Variants in AMPD3 observed in about 807,000 individuals in gnomAD.
AMPD3 encodes the protein adenosine monophosphate deaminase 3.
AMPD3 carries 57 observed loss-of-function variants against 82.3 expected under a neutral mutation model. That is an observed-to-expected ratio of 0.69 (90% CI 0.56 to 0.86). The LOEUF is 0.86. Ranked by LOEUF, AMPD3 falls within the 40% of genes least tolerant of loss-of-function variation. The pLI is 0.00. For synonymous variants in AMPD3, 381 were observed against 394.7 expected, an observed-to-expected ratio of 0.97 and a Z score of 0.41; for missense variants, 870 against 1,003.8, an observed-to-expected ratio of 0.87 and a Z score of 1.80.
At chr11:10,487,184 G>A (rs747304282) in intron 5 of AMPD3, 51 bp from the exon 6 acceptor site, 2 of 1,612,110 alleles carry the variant, frequency 1.2e-6, no homozygotes, top group Admixed American at 1.7e-5. Context: ...CCTCCAAACT[G>A]GAGAGCTCGA....
intron 11 of AMPD3, chr11:10,500,533 G>A: frequency 6.7e-6 from 6 of 895,866 alleles, no homozygotes; most frequent in Non-Finnish European, 8.0e-6. Flanking sequence ...GTCCACACGT[G>A]TCCACACATT....
At chr11:10,469,846 C>T (rs911776463) in intron 2 of AMPD3, among the ~76,000 whole-genome samples, 28 of 151,868 alleles carry the variant, frequency 1.8e-4, no homozygotes, top group African/African-American at 3.9e-4. Flanking sequence ...GAGACCATCC[C>T]GGCTAAAAAC....
In AMPD3 at chr11:10,485,003, T is replaced by C; in HGVS notation, c.773T>C (p.Met258Thr). Residue 258 changes from methionine (M) to threonine (T), a missense_variant, in exon 5 of 15, where the codon ATG becomes ACG. Physicochemically the swap from Met to Thr is moderately conservative, Grantham distance 81 (BLOSUM62 -1). Coordinates refer to ENST00000396553, the MANE Select transcript of AMPD3 (RefSeq NM_001025389.2). ...YPDLETYTVD[M>T]SHILALITDG... ...GACCTGGAGACCTACACGGTGGACATGAGCCACATCCTGGCTCTCATCACC... is the reference window on the plus strand; with the variant it reads ...GACCTGGAGACCTACACGGTGGACACGAGCCACATCCTGGCTCTCATCACC... The C allele has an allele frequency of 6.2e-7, 1 of 1,613,982 alleles. No individual in the cohort carries two copies.
intron 6 of AMPD3, among the ~76,000 whole-genome samples, chr11:10,489,617 G>A (rs973295101): frequency 3.3e-5 from 5 of 152,012 alleles, no homozygotes; most frequent in African/African-American, 9.7e-5. Flanking sequence ...AAACATGGGC[G>A]CAGGTCTGCT....
rs1250812705 is a variant in AMPD3, at chr11:10,499,667, G to A, written c.1558-419G>A. On this transcript the variant is annotated intron_variant, in intron 10 of 14. Transcript: ENST00000396553. ...GTGCTTTGAGCAGGGCTTGATGAGT[G>A]ATGTGTACTAGGACCCTTTTCCCTC... is the stretch of plus-strand genomic sequence containing the variant. 6.1e-6 allele frequency: 6 copies of A among 985,310 alleles called. No homozygotes were observed. In the South Asian group the frequency reaches 2.8e-4, roughly 46 times the overall value. 61.0% of individuals were successfully genotyped at this position (985,310 alleles called of 1,614,324 possible). A position where few individuals can be genotyped will look rare whatever the true frequency, so the allele number is the denominator to read the frequency against.
rs1380170244 is a variant in AMPD3, at chr11:10,506,227, T to C, written c.*343T>C. 2 of 338,088 alleles carry C rather than the reference T, an allele frequency of 5.9e-6. No homozygotes were observed. The highest frequency in any genetic ancestry group is 1.5e-4 in the East Asian group (2 of 13,736). The allele number at this position is 338,088 out of a possible 1,614,324, so 20.9% of individuals were successfully genotyped here. On this transcript the variant is annotated 3_prime_UTR_variant, in exon 15 of 15. Coordinates refer to ENST00000396553, the MANE Select transcript of AMPD3 (RefSeq NM_001025389.2). This position sits in a 1 kb window ranked among gnomAD's most constrained non-coding sequence, Gnocchi z 4.1. Reference sequence around the variant, plus strand: ...AGATGCCAAGTAACATGTGGTTTTCTGCCATACTTTTCTCCATTGGCCCAG... The same window carrying C: ...AGATGCCAAGTAACATGTGGTTTTCCGCCATACTTTTCTCCATTGGCCCAG...
rs757944528 is a variant in AMPD3, at chr11:10,502,740, T to G, written c.1862T>G (p.Leu621Arg). 1.2e-6 allele frequency: 2 copies of G among 1,614,224 alleles called. No homozygotes were observed. The highest frequency in any genetic ancestry group is 1.7e-6 in the Non-Finnish European group (2 of 1,180,032). ...LLKKSPVLQY[L>R]YYLAQIPIAM... ...TTGCAGAGTCCGGTATTGCAGTATC[T>G]CTACTACCTTGCTCAGATCCCCATT... Residue 621 changes from leucine to arginine, a missense_variant, in exon 13 of 15, where the codon CTC becomes CGC. By Grantham distance (102) the Leu-to-Arg change is moderately radical. Coordinates refer to ENST00000396553, the MANE Select transcript of AMPD3 (RefSeq NM_001025389.2).
chr11:10,497,645 A>T (rs1849455149), intron 10 of AMPD3: 2 of 985,220 alleles, frequency 2.0e-6, no homozygotes, highest in Non-Finnish European at 2.4e-6. Context: ...GGACAAGCTG[A>T]GGGACATCAT....
chr11:10,474,229 C>T (rs1848675637), intron 2 of AMPD3, among the ~76,000 whole-genome samples: 5 of 152,212 alleles, frequency 3.3e-5, no homozygotes, highest in Non-Finnish European at 7.3e-5. Flanking sequence ...GGGCCTGGCA[C>T]ACAGTAGTTT....
chr11:10,500,551 A>G, intron 11 of AMPD3: 1 of 951,208 alleles, frequency 1.1e-6, no homozygotes, highest in Non-Finnish European at 1.3e-6. Context: ...ATTTATATGT[A>G]CACACACCAG....
At chr11:10,476,594 G>A (rs1848746060) in intron 2 of AMPD3, among the ~76,000 whole-genome samples, 1 of 152,176 alleles carries the variant, frequency 6.6e-6, no homozygotes, top group African/African-American at 2.4e-5. Flanking sequence ...GGCATTTGGA[G>A]GTGAGGTTGC....
intron 2 of AMPD3, chr11:10,476,991 T>C: frequency 3.0e-6 from 3 of 985,424 alleles, no homozygotes; most frequent in Non-Finnish European, 3.6e-6. Flanking sequence ...CAGGTTAAAA[T>C]AGCCTTGTCC....
Position 10,482,201 on chromosome 11 carries a change from G to A in AMPD3, c.565G>A (p.Ala189Thr), listed in dbSNP as rs750793624. 6.2e-7 allele frequency: 1 copy of A among 1,612,748 alleles called. No individual in the cohort carries two copies. The highest frequency in any genetic ancestry group is 1.1e-5 in the South Asian group (1 of 91,036). Residue 189 changes from alanine (A) to threonine (T), a missense_variant, in exon 4 of 15, where the codon GCA becomes ACA. Coordinates refer to ENST00000396553, the MANE Select transcript of AMPD3 (RefSeq NM_001025389.2). Reference protein sequence around the residue: ...QYLGHPRADTAPPEEGLPDFH... With the variant: ...QYLGHPRADTTPPEEGLPDFH... ...CCTGGGTCATCCGCGGGCGGATACT[G>A]CACCTCCGGAAGAGGGCCTTCCAGG...
chr11:10,497,379 C>T (rs1260079006), intron 10 of AMPD3, among the ~76,000 whole-genome samples: 5 of 152,156 alleles, frequency 3.3e-5, no homozygotes, highest in African/African-American at 9.7e-5. Context: ...AAGTACAAGC[C>T]CCTAAAGTGT....
At chr11:10,481,415 C>T (rs1848900660) in intron 3 of AMPD3, 1 of 985,306 alleles carries the variant, frequency 1.0e-6, no homozygotes, top group Non-Finnish European at 1.2e-6. Context: ...CAAAAACAGA[C>T]TTTTGGCTTA....
In AMPD3 at chr11:10,500,104, G is replaced by A. The variant is rs1478995460; in HGVS notation, c.1576G>A (p.Val526Met). 29 of 1,614,064 alleles carry A rather than the reference G, an allele frequency of 1.8e-5. No individual in the cohort carries two copies. In the Admixed American group the frequency reaches 3.0e-4, roughly 17 times the overall value. The change falls in exon 11 of 15, where the codon GTG becomes ATG. Residue 526 changes from valine (V) to methionine (M), a missense_variant. Coordinates refer to ENST00000396553, the MANE Select transcript of AMPD3 (RefSeq NM_001025389.2). ...TGCCCAGGTGACGGGGTTTGACAGC[G>A]TGGATGATGAGTCCAAGCACAGCGA... ...FLKYVTGFDS[V>M]DDESKHSDHM...
At chr11:10,463,592 G>A (rs971881575) in intron 2 of AMPD3, among the ~76,000 whole-genome samples, 6 of 152,190 alleles carry the variant, frequency 3.9e-5, no homozygotes, top group Non-Finnish European at 7.3e-5. Context: ...AGAAATCCTG[G>A]CATTTTTTAT....
chr11:10,481,555 C>T, intron 3 of AMPD3: 1 of 949,784 alleles, frequency 1.1e-6, no homozygotes, highest in Non-Finnish European at 1.3e-6. Context: ...GATGATTCAC[C>T]AGGAGGACTC....
At chr11:10,467,430 C>A (rs1244479848) in intron 2 of AMPD3, among the ~76,000 whole-genome samples, 5 of 151,576 alleles carry the variant, frequency 3.3e-5, no homozygotes, top group Non-Finnish European at 5.9e-5. Flanking sequence ...GATTGAAGAC[C>A]AACTTAATGA....
Sources: allele counts gnomAD v4.1 joint callset (sites outside exome capture counted in the v4.1 genomes callset), GRCh38; gene constraint gnomAD v4.1.1; non-coding constraint Gnocchi (gnomAD v3.1); transcripts MANE v1.5; gene names NCBI Gene and HGNC (gene_info 2026-07-23, HGNC 2026-07-21).